Variants in PXDNL observed in about 807,000 individuals in gnomAD.
PXDNL encodes probable oxidoreductase PXDNL.
PXDNL carries 145 observed loss-of-function variants against 150.8 expected under a neutral mutation model. The ratio of observed to expected loss-of-function variants is 0.96; its 90% CI spans 0.84 to 1.10. The LOEUF (loss-of-function observed/expected upper bound fraction) is 1.10, where lower values mean the gene tolerates loss of function less well. PXDNL is among the 50% of genes least tolerant of loss of function. The pLI is 0.00. For synonymous variants in PXDNL, 757 were observed against 725.7 expected, an observed-to-expected ratio of 1.04 and a Z score of -0.69; for missense variants, 2,087 against 1,873.9, an observed-to-expected ratio of 1.11 and a Z score of -2.10.
chr8:51,596,977 C>G (rs1400936264), intron 2 of PXDNL, among the ~76,000 whole-genome samples: 1 of 152,114 alleles, frequency 6.6e-6, no homozygotes, highest in African/African-American at 2.4e-5. Context: ...AAAATGTTCT[C>G]CCAATGCCCA....
chr8:51,699,983 G>A (rs1185735919), intron 1 of PXDNL, among the ~76,000 whole-genome samples: 1 of 151,954 alleles, frequency 6.6e-6, no homozygotes, highest in African/African-American at 2.4e-5. Flanking sequence ...ATAATGAAAA[G>A]GTTTGAAATA....
intron 1 of PXDNL, among the ~76,000 whole-genome samples, chr8:51,690,980 G>A: frequency 6.6e-6 from 1 of 152,116 alleles, no homozygotes; most frequent in East Asian, 1.9e-4. Context: ...TTTGAGAAGT[G>A]TCTGTTCATA....
chr8:51,487,669 G>A (rs990503062), intron 5 of PXDNL, among the ~76,000 whole-genome samples: 1 of 152,186 alleles, frequency 6.6e-6, no homozygotes, highest in Non-Finnish European at 1.5e-5. Flanking sequence ...TAACGTAGTA[G>A]TAAGAAGTTG....
chr8:51,352,992 T>A (rs1586026085), intron 19 of PXDNL, among the ~76,000 whole-genome samples: 1 of 152,234 alleles, frequency 6.6e-6, no homozygotes, highest in South Asian at 2.1e-4. Context: ...GATTACCTAT[T>A]GAGTACAATG....
intron 19 of PXDNL, among the ~76,000 whole-genome samples, chr8:51,369,182 G>A (rs576735829): frequency 4.7e-4 from 72 of 152,174 alleles, no homozygotes; most frequent in Non-Finnish European, 9.9e-4. Context: ...TTCTCTGTTT[G>A]GGAAATTCGC....
At chr8:51,329,505 A>G (rs1268521793) in intron 21 of PXDNL, among the ~76,000 whole-genome samples, 1 of 152,212 alleles carries the variant, frequency 6.6e-6, no homozygotes, top group African/African-American at 2.4e-5. Flanking sequence ...GCGTGCTCCA[A>G]AGGAAGGGAA....
intron 21 of PXDNL, among the ~76,000 whole-genome samples, chr8:51,331,841 C>T (rs1805698453): frequency 6.6e-6 from 1 of 152,086 alleles, no homozygotes; most frequent in African/African-American, 2.4e-5. Flanking sequence ...CAAGACTGGC[C>T]CAAGGAGAGT....
chr8:51,401,637 C>A (rs556023634), intron 17 of PXDNL, among the ~76,000 whole-genome samples: 2 of 152,286 alleles, frequency 1.3e-5, no homozygotes, highest in Admixed American at 1.3e-4. Context: ...GAGAAGCACC[C>A]TTTTCCTATG....
intron 17 of PXDNL, among the ~76,000 whole-genome samples, chr8:51,391,452 T>G (rs1807907005): frequency 6.6e-6 from 1 of 152,240 alleles, no homozygotes. Context: ...TGTGAGATGG[T>G]ATCTCATTGT....
intron 1 of PXDNL, among the ~76,000 whole-genome samples, chr8:51,775,974 C>G (rs928764077): frequency 1.4e-4 from 21 of 152,254 alleles, no homozygotes; most frequent in Middle Eastern, 3.4e-3. Flanking sequence ...AAAGAGAATG[C>G]GTTCCCAAGG....
chr8:51,724,429 G>A (rs1182912553), intron 1 of PXDNL, among the ~76,000 whole-genome samples: 1 of 151,988 alleles, frequency 6.6e-6, no homozygotes, highest in Non-Finnish European at 1.5e-5. Flanking sequence ...TCCAAACAAG[G>A]CCTGAGACAA....
chr8:51,694,068 G>C (rs1411720176), intron 1 of PXDNL, among the ~76,000 whole-genome samples: 1 of 152,178 alleles, frequency 6.6e-6, no homozygotes, highest in Non-Finnish European at 1.5e-5. Flanking sequence ...CCACCAATGG[G>C]AGGCAACATG....
At chr8:51,442,358 C>T (rs373110068) in intron 12 of PXDNL, among the ~76,000 whole-genome samples, 2 of 150,822 alleles carry the variant, frequency 1.3e-5, no homozygotes, top group African/African-American at 4.9e-5. Flanking sequence ...TTCTTTCTTG[C>T]ATATCTTACC....
At chr8:51,682,288 A>G (rs529563554) in intron 1 of PXDNL, among the ~76,000 whole-genome samples, 1 of 152,266 alleles carries the variant, frequency 6.6e-6, no homozygotes, top group Non-Finnish European at 1.5e-5. Context: ...CATTTTCTGG[A>G]TATGTTTGCT....
chr8:51,562,045 A>C (rs1812730107), intron 3 of PXDNL, among the ~76,000 whole-genome samples: 1 of 151,708 alleles, frequency 6.6e-6, no homozygotes, highest in Non-Finnish European at 1.5e-5. Context: ...TTCATATTTC[A>C]ATATTTTCTA....
At chr8:51,674,392 G>C (rs1320738370) in intron 1 of PXDNL, among the ~76,000 whole-genome samples, 1 of 152,182 alleles carries the variant, frequency 6.6e-6, no homozygotes, top group African/African-American at 2.4e-5. Flanking sequence ...TGACTGTCTT[G>C]AATCAAGTAT....
intron 1 of PXDNL, among the ~76,000 whole-genome samples, chr8:51,710,272 T>C (rs1816469118): frequency 6.6e-6 from 1 of 152,218 alleles, no homozygotes; most frequent in African/African-American, 2.4e-5. Flanking sequence ...TCCATTCAAG[T>C]GAACATGAAA....
intron 4 of PXDNL, among the ~76,000 whole-genome samples, chr8:51,544,148 G>A (rs553194025): frequency 5.3e-5 from 8 of 152,122 alleles, no homozygotes; most frequent in Admixed American, 1.3e-4. Flanking sequence ...TTTACCTTTG[G>A]TAAAAGTTCA....
At chr8:51,349,906 T>C (rs973091603) in intron 19 of PXDNL, among the ~76,000 whole-genome samples, 1 of 152,170 alleles carries the variant, frequency 6.6e-6, no homozygotes, top group Non-Finnish European at 1.5e-5. Flanking sequence ...TCAACACCTC[T>C]TATTTGCTTG....
Sources: allele counts gnomAD v4.1 joint callset (sites outside exome capture counted in the v4.1 genomes callset), GRCh38; gene constraint gnomAD v4.1.1; transcripts MANE v1.5; gene names NCBI Gene and HGNC (gene_info 2026-07-23, HGNC 2026-07-21).